PYROXD2: variants seen among roughly 807,000 people sequenced by gnomAD.
PYROXD2 encodes pyridine nucleotide-disulphide oxidoreductase domain 2.
Under a neutral mutation model 71.1 loss-of-function variants are expected in PYROXD2, and 69 were observed. The observed-to-expected ratio is 0.97, with a 90% CI of 0.80 to 1.19. The LOEUF is 1.19. PYROXD2 is among the 50% of genes most tolerant of loss of function. The pLI is 0.00. For synonymous variants in PYROXD2, 287 were observed against 302.7 expected, an observed-to-expected ratio of 0.95 and a Z score of 0.54; for missense variants, 745 against 748.9, an observed-to-expected ratio of 0.99 and a Z score of 0.06.
Position 98,393,071 on chromosome 10 carries a change from C to T in PYROXD2, c.798G>A (p.Leu266=), listed in dbSNP as rs1490576326. The T allele has an allele frequency of 6.3e-6, 10 of 1,583,698 alleles. No individual in the cohort carries two copies. Among genetic ancestry groups the T allele is most frequent in the Non-Finnish European group, 8.5e-6 (10 of 1,170,864 alleles). Residue 266 remains leucine (L), a synonymous_variant, in exon 9 of 16, where the codon CTG becomes CTA. Transcript: ENST00000370575. ...PHTPGSGYVL[L]HHVMGGLEGM... is the part of the protein sequence containing the mutation. ...CCTCCAGGCCCCCCATCACATGGTG[C>T]AGCAGCACATACCTGTGGACAGACC...
Position 98,408,136 on chromosome 10 carries a change from C to T in PYROXD2, c.148-139G>A, listed in dbSNP as rs538174202. 94 of 689,652 alleles carry T rather than the reference C, an allele frequency of 1.4e-4. 3 individuals are homozygous for T. The Admixed American group carries it at 2.1e-3, about 15-fold the overall frequency. The allele number at this position is 689,652 out of a possible 1,614,324, so 42.7% of individuals were successfully genotyped here. On this transcript the variant is annotated intron_variant, in intron 2 of 15. Transcript: ENST00000370575. ...CCATGGCCTCCCTGCCCCGCTCATGCTGTTCCTGCCTCTGGGAATGCCCTT... is the reference window on the plus strand; with the variant it reads ...CCATGGCCTCCCTGCCCCGCTCATGTTGTTCCTGCCTCTGGGAATGCCCTT...
rs1842785201 is a variant in PYROXD2, at chr10:98,387,280, G to C, written c.1475C>G (p.Pro492Arg). ...GCCAACCACAGAGTCCTTGAAGCCA[G>C]GGGCATAGACCTCGATGCAATCAAA... ...RVFDCIEVYAPGFKDSVVGRD... is the reference protein window; with the variant it reads ...RVFDCIEVYARGFKDSVVGRD... Residue 492 changes from proline to arginine, a missense_variant, in exon 14 of 16, where the codon CCT becomes CGT. Pro to Arg is a moderately radical substitution (Grantham distance 103). Transcript: ENST00000370575. 6.2e-7 allele frequency: 1 copy of C among 1,614,140 alleles called. No homozygotes were observed. The highest frequency in any genetic ancestry group is 8.5e-7 in the Non-Finnish European group (1 of 1,179,994).
intron 4 of PYROXD2, among the ~76,000 whole-genome samples, chr10:98,405,986 G>A (rs772280086): frequency 7.2e-5 from 11 of 152,162 alleles, no homozygotes; most frequent in Non-Finnish European, 1.3e-4. Flanking sequence ...TAAAATAAAC[G>A]CTCTCCATTA....
In PYROXD2 at chr10:98,390,741, C is replaced by A; in HGVS notation, c.1149G>T (p.Arg383Ser). 1.9e-6 allele frequency: 3 copies of A among 1,599,164 alleles called. No individual in the cohort carries two copies. The change falls in exon 12 of 16, where the codon AGG (arginine) becomes AGT (serine). Residue 383 changes from arginine (R) to serine (S), a missense_variant. By Grantham distance (110) the Arg-to-Ser change is moderately radical (BLOSUM62 -1). Transcript: ENST00000370575. ...PVTKINVAVD[R>S]LPSFLAAPNA... ...TGGGGGCCGCCAGGAAGCTGGGCAG[C>A]CTGTCTACGGCCACTGAGGGACCAA...
In PYROXD2 at chr10:98,393,089, G is replaced by A; in HGVS notation, c.786-6C>T. 3 of 1,534,770 alleles carry A rather than the reference G, an allele frequency of 2.0e-6. No homozygotes were observed. Among genetic ancestry groups the A allele is most frequent in the Non-Finnish European group, 2.6e-6 (3 of 1,149,930 alleles). On this transcript the variant is annotated splice_polypyrimidine_tract_variant and splice_region_variant and intron_variant, in intron 8 of 15. Transcript: ENST00000370575. ...CATGGTGCAGCAGCACATACCTGTG[G>A]ACAGACCATCCGACTCAGATCCTGG...
chr10:98,392,872 C>A (rs746951492), intron 9 of PYROXD2, 70 bp downstream of exon 9: 31 of 1,538,316 alleles, frequency 2.0e-5, no homozygotes, highest in Non-Finnish European at 2.7e-5. Context: ...AAGGGACCTT[C>A]CAAATCTGAG....
chr10:98,411,171 T>C, intron 1 of PYROXD2: 1 of 691,574 alleles, frequency 1.4e-6, no homozygotes, highest in Non-Finnish European at 2.4e-6. Flanking sequence ...ACCCTGGTTC[T>C]TGCCTTGGCT....
In PYROXD2 at chr10:98,407,961, C is replaced by T. The variant is rs1181130341; in HGVS notation, c.184G>A (p.Val62Ile). ...CCGATCACATGGCGCCTCTCGAAGACGGCGGTGTTCACCCCCAGTCTCTGC... is the reference window on the plus strand; with the variant it reads ...CCGATCACATGGCGCCTCTCGAAGATGGCGGTGTTCACCCCCAGTCTCTGC... ...YLQRLGVNTA[V>I]FERRHVIGGA... Residue 62 changes from valine to isoleucine, a missense_variant, in exon 3 of 16, where the codon GTC becomes ATC. By Grantham distance (29) the Val-to-Ile change is conservative. Transcript: ENST00000370575. 7.5e-6 allele frequency: 12 copies of T among 1,610,136 alleles called. No individual in the cohort carries two copies. The highest frequency in any genetic ancestry group is 6.7e-5 in the South Asian group (6 of 89,944).
intron 4 of PYROXD2, among the ~76,000 whole-genome samples, chr10:98,402,877 T>C (rs1843464057): frequency 6.6e-6 from 1 of 152,248 alleles, no homozygotes; most frequent in South Asian, 2.1e-4. Flanking sequence ...CGCTGTACCC[T>C]CCGCGTGTAG....
chr10:98,399,450 C>T (rs1035178184), intron 5 of PYROXD2, among the ~76,000 whole-genome samples: 11 of 152,152 alleles, frequency 7.2e-5, no homozygotes, highest in African/African-American at 2.7e-4. Flanking sequence ...TGTGGCAGGG[C>T]CCTTACGGAA....
intron 1 of PYROXD2, among the ~76,000 whole-genome samples, chr10:98,412,780 A>G (rs1843832221): frequency 6.6e-6 from 1 of 152,122 alleles, no homozygotes; most frequent in South Asian, 2.1e-4. Flanking sequence ...ACTGAGACTC[A>G]CTCGCACTTG....
chr10:98,411,188 G>A (rs1457909123), intron 1 of PYROXD2: 1 of 630,430 alleles, frequency 1.6e-6, no homozygotes, highest in African/African-American at 1.8e-5. Flanking sequence ...GGCTGGAAAA[G>A]TCCTGCTCCC....
chr10:98,383,782 C>T lies in PYROXD2; in HGVS notation c.*16G>A. 6.2e-7 allele frequency: 1 copy of T among 1,611,492 alleles called. No individual in the cohort carries two copies. Among genetic ancestry groups the T allele is most frequent in the Non-Finnish European group, 8.5e-7 (1 of 1,177,598 alleles). ...CAGGGGTGGAGTCTTCTTCCTGGGT[C>T]AGAGCTGGTTCAGGGTCACATGCTC... On this transcript the variant is annotated 3_prime_UTR_variant, in exon 16 of 16. Transcript: ENST00000370575.
chr10:98,402,289 C>G (rs1843440166), intron 4 of PYROXD2, among the ~76,000 whole-genome samples: 1 of 152,122 alleles, frequency 6.6e-6, no homozygotes, highest in South Asian at 2.1e-4. Context: ...GTCTGGGTTT[C>G]AAAACCACAG....
rs201908390 is a variant in PYROXD2 at position 98,383,841 on chromosome 10, C to T, written c.1703G>A (p.Arg568Gln). 75 of 1,614,040 alleles carry T rather than the reference C, an allele frequency of 4.6e-5. No homozygotes were observed. Among genetic ancestry groups the T allele is most frequent in the East Asian group, 1.6e-4 (7 of 44,866 alleles). Residue 568 changes from arginine (R) to glutamine (Q), a missense_variant, in exon 16 of 16, where the codon CGA becomes CAA. Coordinates refer to ENST00000370575, the MANE Select transcript of PYROXD2 (RefSeq NM_032709.3). ...PGGGVMGAAG[R>Q]NAAHVAFRDL... is the part of the protein sequence containing the mutation. ...CCTAAAGGCCACATGTGCTGCATTT[C>T]GCCCAGCAGCTCCCATCACACCTCC...
chr10:98,400,210 G>A lies in PYROXD2; in HGVS notation c.363C>T (p.Pro121=). Residue 121 remains proline, a synonymous_variant, in exon 5 of 16, where the codon CCC becomes CCT. Transcript: ENST00000370575. ...TGCTGCCTGCACCCTCTTCCAGCAT[G>A]GGGGTGAAGGAGTAGGGGTTTCGAA... ...LHLRNPYSFT[P]MLEEGAGSKV... The A allele has an allele frequency of 6.2e-7, 1 of 1,612,890 alleles. No individual in the cohort carries two copies. The highest frequency in any genetic ancestry group is 2.2e-5 in the East Asian group (1 of 44,884).
chr10:98,400,405 G>T, intron 4 of PYROXD2, 148 bp from the exon 5 acceptor site: 2 of 759,538 alleles, frequency 2.6e-6, no homozygotes, highest in Non-Finnish European at 4.0e-6. Flanking sequence ...TTAAATATAA[G>T]TTTATAAAAA....
chr10:98,396,808 G>A (rs1843201147), intron 6 of PYROXD2, among the ~76,000 whole-genome samples: 1 of 152,152 alleles, frequency 6.6e-6, no homozygotes, highest in South Asian at 2.1e-4. Flanking sequence ...TGGCACCAGG[G>A]CAGGGCACTC....
In PYROXD2 at chr10:98,386,327, G is replaced by GGAAGGAAGGAAGGAAGGAAGGAAGGA. The variant is rs1554873931; in HGVS notation, c.1554+873_1554+874insTCCTTCCTTCCTTCCTTCCTTCCTTC. Among the ~76,000 whole-genome samples the GGAAGGAAGGAAGGAAGGAAGGAAGGA allele has an allele frequency of 1.3e-3, 173 of 134,912 alleles. 4 individuals are homozygous for GGAAGGAAGGAAGGAAGGAAGGAAGGA. Among genetic ancestry groups the GGAAGGAAGGAAGGAAGGAAGGAAGGA allele is most frequent in the African/African-American group, 4.5e-3 (142 of 31,730 alleles). The allele number at this position is 134,912 out of a possible 152,430, so 88.5% of individuals were successfully genotyped here. Reference sequence around the variant, plus strand: ...GGAGGGAGGAAACAAGGAAGGGAGGGAGGAAGGAAGGAAGGAAGGAAGGAA... The same window carrying GGAAGGAAGGAAGGAAGGAAGGAAGGA: ...GGAGGGAGGAAACAAGGAAGGGAGGGGAAGGAAGGAAGGAAGGAAGGAAGGAAGGAAGGAAGGAAGGAAGGAAGGAA... On this transcript the variant is annotated intron_variant, in intron 14 of 15. Transcript: ENST00000370575.
Sources: allele counts gnomAD v4.1 joint callset (sites outside exome capture counted in the v4.1 genomes callset), GRCh38; gene constraint gnomAD v4.1.1; transcripts MANE v1.5; gene names NCBI Gene and HGNC (gene_info 2026-07-23, HGNC 2026-07-21).